Variants in ZNF57 observed in about 807,000 individuals in gnomAD.
The protein encoded by ZNF57 is zinc finger protein 57.
Under a neutral mutation model 13.4 loss-of-function variants are expected in ZNF57, and 11 were observed. The observed-to-expected ratio is 0.82, with a 90% CI of 0.52 to 1.36. ZNF57 has a LOEUF of 1.36. Ranked by LOEUF, ZNF57 falls within the 40% of genes most tolerant of loss-of-function variation. The pLI, the probability that ZNF57 is intolerant of heterozygous loss-of-function variation, is 0.00. For synonymous variants in ZNF57, 224 were observed against 238.5 expected, an observed-to-expected ratio of 0.94 and a Z score of 0.56; for missense variants, 696 against 667.5, an observed-to-expected ratio of 1.04 and a Z score of -0.47.
At position 2,909,271 on chromosome 19, in the gene ZNF57, A is replaced by G. The variant is rs371801572; in HGVS notation, c.4-6251A>G. Among the ~76,000 whole-genome samples the G allele has an allele frequency of 5.8e-5, 7 of 120,564 alleles. No individual in the cohort carries two copies. The Admixed American group carries it at 6.4e-4, about 11-fold the overall frequency. 79.1% of individuals were successfully genotyped at this position (120,564 alleles called of 152,430 possible). On this transcript the variant is annotated intron_variant, in intron 1 of 3. Transcript: ENST00000306908. Reference sequence around the variant, plus strand: ...TTTTCCTTATAATAGATTTTATTTTATTTATTTTTGTTTTTTTTTTTTTTT... The same window carrying G: ...TTTTCCTTATAATAGATTTTATTTTGTTTATTTTTGTTTTTTTTTTTTTTT...
In ZNF57 at chr19:2,903,906, G is replaced by A. The variant is rs560489894; in HGVS notation, c.3+2858G>A. 5.9e-5 allele frequency among the ~76,000 whole-genome samples: 9 copies of A among 152,088 alleles called. No individual in the cohort carries two copies. The East Asian group carries it at 1.2e-3, about 20-fold the overall frequency. On this transcript the variant is annotated intron_variant, in intron 1 of 3. Coordinates refer to ENST00000306908, the MANE Select transcript of ZNF57 (RefSeq NM_173480.3). ...AATTTTTTGTATTTTTAGTAGAGAC[G>A]GGGTTTCACCCTGTTAGCCAGGATG... is the stretch of plus-strand genomic sequence containing the variant.
chr19:2,915,311 C>T (rs1378222242), intron 1 of ZNF57: 1 of 525,454 alleles, frequency 1.9e-6, no homozygotes, highest in Non-Finnish European at 3.3e-6. Flanking sequence ...TAAGAGCAGT[C>T]GCAGTAAAAA....
chr19:2,915,809 T>C (rs1479409076), intron 2 of ZNF57, 161 bp downstream of exon 2: 2 of 1,216,274 alleles, frequency 1.6e-6, no homozygotes, highest in East Asian at 5.0e-5. Flanking sequence ...TGAAAACATG[T>C]GTGAAACAGA....
intron 1 of ZNF57, among the ~76,000 whole-genome samples, chr19:2,911,094 G>T (rs1568181378): frequency 6.6e-6 from 1 of 151,498 alleles, no homozygotes; most frequent in African/African-American, 2.4e-5. Flanking sequence ...GCAGGGTCTT[G>T]CTCTATCAGC....
chr19:2,908,120 A>G (rs926642321), intron 1 of ZNF57, among the ~76,000 whole-genome samples: 2 of 152,204 alleles, frequency 1.3e-5, no homozygotes, highest in African/African-American at 4.8e-5. Context: ...TAATTTTCCA[A>G]CTATTATGAA....
chr19:2,917,544 A>G lies in ZNF57; in HGVS notation c.923A>G (p.Tyr308Cys), dbSNP rs138288250. 2.0e-3 allele frequency: 3,219 copies of G among 1,614,158 alleles called. 16 individuals carry two copies. The highest frequency in any genetic ancestry group is 0.013 in the Middle Eastern group (78 of 6,062). The change falls in exon 4 of 4, where the codon TAT becomes TGT. Residue 308 changes from tyrosine (Y) to cysteine (C), a missense_variant. Tyr to Cys is a radical substitution (Grantham distance 194). Coordinates refer to ENST00000306908, the MANE Select transcript of ZNF57 (RefSeq NM_173480.3). Reference protein sequence around the residue: ...HEKTHTGEKPYECKQCGKTFS... With the variant: ...HEKTHTGEKPCECKQCGKTFS... ...AAGACGCACACGGGAGAGAAGCCCT[A>G]TGAATGCAAGCAGTGTGGGAAAACA...
At chr19:2,913,381 AGTTTT>A (rs1253764610) in intron 1 of ZNF57, among the ~76,000 whole-genome samples, 9 of 151,878 alleles carry the variant, frequency 5.9e-5, no homozygotes, top group Non-Finnish European at 1.0e-4. Context: ...GCTTAGGTTT[AGTTTT>A]ATTTTCCTAT....
At chr19:2,901,892 C>T (rs190395305) in intron 1 of ZNF57, among the ~76,000 whole-genome samples, 2 of 152,042 alleles carry the variant, frequency 1.3e-5, no homozygotes, top group South Asian at 4.1e-4. Context: ...GTGGGTGTTA[C>T]AAAGTACATT....
Position 2,915,615 on chromosome 19 carries a change from A to T in ZNF57, c.97A>T (p.Met33Leu), listed in dbSNP as rs1394314866. The change falls in exon 2 of 4, where the codon ATG becomes TTG. Residue 33 changes from methionine (M) to leucine (L), a missense_variant. Met to Leu is a conservative substitution (Grantham distance 15). This residue lies in a region of ZNF57 where 43 missense variants were observed against 53.5 expected (regional missense o/e 0.80). Transcript: ENST00000306908. ...TCAGAGGGACCTCTACAGAGATGTG[A>T]TGCTGGAGACCTTCCGGAACCTGGC... ...SAQRDLYRDV[M>L]LETFRNLASV... The T allele has an allele frequency of 1.2e-6, 2 of 1,613,826 alleles. No individual in the cohort carries two copies. Among genetic ancestry groups the T allele is most frequent in the Admixed American group, 3.3e-5 (2 of 59,976 alleles).
chr19:2,913,437 T>C (rs1425077205), intron 1 of ZNF57, among the ~76,000 whole-genome samples: 1 of 152,238 alleles, frequency 6.6e-6, no homozygotes, highest in Non-Finnish European at 1.5e-5. Flanking sequence ...ATTTGCAATC[T>C]TTAGGATAGG....
At chr19:2,901,410 C>G (rs1168872261) in intron 1 of ZNF57, among the ~76,000 whole-genome samples, 1 of 152,092 alleles carries the variant, frequency 6.6e-6, no homozygotes, top group African/African-American at 2.4e-5. Context: ...TAAGAGGTCA[C>G]CTGAGCAGGC....
rs1342939039 is a variant in ZNF57, at chr19:2,901,003, G to T, written c.-43G>T. 1.3e-6 allele frequency: 2 copies of T among 1,552,984 alleles called. No individual in the cohort carries two copies. The highest frequency in any genetic ancestry group is 1.7e-6 in the Non-Finnish European group (2 of 1,147,500). ...ACCTTTCAGCTGCGCCGGCCGCGAG[G>T]CCACGGAGAGCTCGCCTTGGAGAGC... On this transcript the variant is annotated 5_prime_UTR_variant, in exon 1 of 4. Coordinates refer to ENST00000306908, the MANE Select transcript of ZNF57 (RefSeq NM_173480.3).
chr19:2,907,902 CTG>C (rs1428478293), intron 1 of ZNF57, among the ~76,000 whole-genome samples: 1 of 152,138 alleles, frequency 6.6e-6, no homozygotes, highest in African/African-American at 2.4e-5. Flanking sequence ...AAATTGTAGA[CTG>C]TGTCTCCTTA....
At chr19:2,907,762 G>T (rs1292013967) in intron 1 of ZNF57, among the ~76,000 whole-genome samples, 1 of 152,214 alleles carries the variant, frequency 6.6e-6, no homozygotes, top group Non-Finnish European at 1.5e-5. Context: ...TGCCCAGACT[G>T]GAGTACAGTG....
chr19:2,906,577 G>T (rs976783905), intron 1 of ZNF57, among the ~76,000 whole-genome samples: 1 of 152,118 alleles, frequency 6.6e-6, no homozygotes, highest in Admixed American at 6.5e-5. Context: ...TGCCGAAACC[G>T]CCCCCTCCCT....
intron 3 of ZNF57, 30 bp from the exon 4 acceptor site, chr19:2,916,894 A>G: frequency 6.5e-7 from 1 of 1,529,046 alleles, no homozygotes; most frequent in African/African-American, 1.4e-5. Context: ...TAAACATACC[A>G]TACATAAAAA....
At chr19:2,915,746 A>C in intron 2 of ZNF57, 98 bp downstream of exon 2, 3 of 1,568,570 alleles carry the variant, frequency 1.9e-6, no homozygotes, top group African/African-American at 1.3e-5. Context: ...GGACTAAGAC[A>C]GACATGTTCA....
intron 1 of ZNF57, among the ~76,000 whole-genome samples, chr19:2,905,025 C>T (rs1394861781): frequency 6.6e-6 from 1 of 152,208 alleles, no homozygotes; most frequent in African/African-American, 2.4e-5. Flanking sequence ...AGCATCTCTC[C>T]TTGCCCAGGT....
At chr19:2,913,700 G>A (rs531905035) in intron 1 of ZNF57, among the ~76,000 whole-genome samples, 1 of 151,886 alleles carries the variant, frequency 6.6e-6, no homozygotes, top group African/African-American at 2.4e-5. Flanking sequence ...CTCTCACTCT[G>A]TCAGTGATGT....
Sources: gnomAD v4.1 joint callset for allele counts (sites outside exome capture counted in the v4.1 genomes callset) on GRCh38, gnomAD v4.1.1 for gene constraint, gnomAD v4.1.1 regional missense constraint, MANE v1.5 for transcripts, NCBI Gene and HGNC (gene_info 2026-07-23, HGNC 2026-07-21) for gene names.